Variants in GALNT18 observed in about 807,000 individuals in gnomAD.
GALNT18 encodes the protein GalNAc-transferase 18.
GALNT18 carries 44 observed loss-of-function variants against 69.5 expected under a neutral mutation model. The observed-to-expected ratio is 0.63, with a 90% CI of 0.50 to 0.81. GALNT18 has a LOEUF of 0.81. Among genes scored for constraint, GALNT18 ranks in the 40% least tolerant of loss-of-function variants. The probability of loss-of-function intolerance (pLI) is 0.00; values close to 1 mark genes in which losing one functional copy is unlikely to be tolerated. For missense variants in GALNT18, 715 were observed against 810.0 expected (o/e 0.88, Z 1.42); for synonymous variants, 364 against 318.2 (o/e 1.14, Z -1.53).
intron 1 of GALNT18, among the ~76,000 whole-genome samples, chr11:11,534,181 A>G (rs556430194): frequency 6.6e-6 from 1 of 152,300 alleles, no homozygotes; most frequent in South Asian, 2.1e-4. Context: ...GCCATGGGTA[A>G]TAGGTTCACG....
intron 2 of GALNT18, among the ~76,000 whole-genome samples, chr11:11,441,917 T>C (rs1206108519): frequency 1.3e-5 from 2 of 152,266 alleles, no homozygotes; most frequent in African/African-American, 4.8e-5. Flanking sequence ...AGAGCCTTTC[T>C]TCTTCCAGGA....
Position 11,436,170 on chromosome 11 carries a change from C to T in GALNT18, c.429-3383G>A, listed in dbSNP as rs1855398048. On this transcript the variant is annotated intron_variant, in intron 2 of 10. Coordinates refer to ENST00000227756, the MANE Select transcript of GALNT18 (RefSeq NM_198516.3). The surrounding 1 kb of genome is among the most constrained non-coding windows in gnomAD (Gnocchi z 4.5). ...TGAAGGGGATGAAGTCACCCAGGTG[C>T]TGTTCCCAGTTCTGCCCCACCTTGC... 6.6e-6 allele frequency among the ~76,000 whole-genome samples: 1 copy of T among 152,242 alleles called. No homozygotes were observed. The highest frequency in any genetic ancestry group is 1.5e-5 in the Non-Finnish European group (1 of 68,040).
chr11:11,516,683 C>T (rs1425177331), intron 1 of GALNT18, among the ~76,000 whole-genome samples: 1 of 152,114 alleles, frequency 6.6e-6, no homozygotes, highest in Non-Finnish European at 1.5e-5. Context: ...CAGAGTCTGC[C>T]TTTCCTCATC....
At chr11:11,489,045 T>A (rs1856703663) in intron 1 of GALNT18, among the ~76,000 whole-genome samples, 1 of 152,200 alleles carries the variant, frequency 6.6e-6, no homozygotes, top group African/African-American at 2.4e-5. Flanking sequence ...TGCTGTGGAG[T>A]ATGATCCAGG....
chr11:11,583,601 C>T lies in GALNT18; in HGVS notation c.235+37758G>A, dbSNP rs1224081807. 2.6e-5 allele frequency among the ~76,000 whole-genome samples: 4 copies of T among 152,154 alleles called. No individual in the cohort carries two copies. Among genetic ancestry groups the T allele is most frequent in the Non-Finnish European group, 5.9e-5 (4 of 68,036 alleles). ...AAAGGATACATTTACATCTCATTCCCCAAATGTAGGACATCCAAAGACCAG... is the reference window on the plus strand; with the variant it reads ...AAAGGATACATTTACATCTCATTCCTCAAATGTAGGACATCCAAAGACCAG... On this transcript the variant is annotated intron_variant, in intron 1 of 10. Coordinates refer to ENST00000227756, the MANE Select transcript of GALNT18 (RefSeq NM_198516.3). The surrounding 1 kb of genome is among the most constrained non-coding windows in gnomAD (Gnocchi z 4.7).
Position 11,359,416 on chromosome 11 carries a change from T to C in GALNT18, c.1092+13099A>G, listed in dbSNP as rs1397965306. 6.5e-5 allele frequency among the ~76,000 whole-genome samples: 6 copies of C among 92,614 alleles called. No homozygotes were observed. In the East Asian group the frequency reaches 8.1e-4, roughly 12 times the overall value. 60.8% of individuals were successfully genotyped at this position (92,614 alleles called of 152,430 possible). On this transcript the variant is annotated intron_variant, in intron 6 of 10. Transcript: ENST00000227756. ...AAGTCTCAAATAGCAGTGATGCCTGTTCTAGGCAATTGCTAGGGACCCTTC... is the reference window on the plus strand; with the variant it reads ...AAGTCTCAAATAGCAGTGATGCCTGCTCTAGGCAATTGCTAGGGACCCTTC...
chr11:11,366,871 T>C (rs1265974477), intron 6 of GALNT18, among the ~76,000 whole-genome samples: 1 of 152,112 alleles, frequency 6.6e-6, no homozygotes, highest in African/African-American at 2.4e-5. Context: ...TTCTCCATGA[T>C]TGAGGAAAAA....
chr11:11,455,141 C>T (rs59860148), intron 1 of GALNT18, among the ~76,000 whole-genome samples: 3,762 of 152,222 alleles, frequency 0.025, 148 homozygotes, highest in African/African-American at 0.086. Context: ...TCAGCTTTGC[C>T]CACAAAGGGT....
intron 1 of GALNT18, among the ~76,000 whole-genome samples, chr11:11,451,509 C>A (rs1855798587): frequency 6.6e-6 from 1 of 152,142 alleles, no homozygotes; most frequent in South Asian, 2.1e-4. Context: ...GGATGACAAA[C>A]TCAAAGCCAG....
At chr11:11,577,366 G>A (rs1406418868) in intron 1 of GALNT18, among the ~76,000 whole-genome samples, 1 of 152,136 alleles carries the variant, frequency 6.6e-6, no homozygotes, top group Non-Finnish European at 1.5e-5. Flanking sequence ...CAGCCCTGCT[G>A]TCCAGCCCTG....
chr11:11,431,249 A>G (rs1234184105), intron 3 of GALNT18, among the ~76,000 whole-genome samples: 1 of 152,140 alleles, frequency 6.6e-6, no homozygotes, highest in Non-Finnish European at 1.5e-5. Flanking sequence ...GCCTCCTTAC[A>G]ATGTAAGACG....
At chr11:11,557,465 C>T (rs926380366) in intron 1 of GALNT18, among the ~76,000 whole-genome samples, 5 of 152,190 alleles carry the variant, frequency 3.3e-5, no homozygotes, top group Non-Finnish European at 5.9e-5. Context: ...TCCTTCAGAG[C>T]TGTCAGGGAA....
At chr11:11,417,485 C>T (rs1854893681) in intron 3 of GALNT18, among the ~76,000 whole-genome samples, 1 of 152,216 alleles carries the variant, frequency 6.6e-6, no homozygotes, top group Non-Finnish European at 1.5e-5. Context: ...TGCAGACAGA[C>T]AGACTAGGGC....
At chr11:11,447,597 G>T (rs1245770891) in intron 2 of GALNT18, among the ~76,000 whole-genome samples, 1 of 152,326 alleles carries the variant, frequency 6.6e-6, no homozygotes, top group Admixed American at 6.5e-5. Context: ...TCACAGTTCT[G>T]CATGGCTGGG....
At chr11:11,357,319 G>C (rs1850551560) in intron 6 of GALNT18, among the ~76,000 whole-genome samples, 1 of 151,810 alleles carries the variant, frequency 6.6e-6, no homozygotes, top group African/African-American at 2.4e-5. Context: ...TCAGGCACTT[G>C]CCCTCTGCCT....
At chr11:11,525,496 G>C (rs1413432249) in intron 1 of GALNT18, among the ~76,000 whole-genome samples, 1 of 152,108 alleles carries the variant, frequency 6.6e-6, no homozygotes, top group African/African-American at 2.4e-5. Context: ...GGTTGAGACA[G>C]GGAAGAATGA....
At chr11:11,331,887 G>A (rs141098771) in intron 8 of GALNT18, among the ~76,000 whole-genome samples, 16 of 152,156 alleles carry the variant, frequency 1.1e-4, no homozygotes, top group East Asian at 5.8e-4. Context: ...AATACCTTAC[G>A]GCATTTGACC....
chr11:11,572,210 G>A (rs956479750), intron 1 of GALNT18, among the ~76,000 whole-genome samples: 1 of 152,222 alleles, frequency 6.6e-6, no homozygotes, highest in Admixed American at 6.5e-5. Flanking sequence ...ACTCCTTTCT[G>A]TGGGATCCTT....
intron 1 of GALNT18, among the ~76,000 whole-genome samples, chr11:11,615,873 C>T (rs1344026184): frequency 6.6e-6 from 1 of 152,160 alleles, no homozygotes; most frequent in Non-Finnish European, 1.5e-5. Context: ...AAAACCACTG[C>T]CCTAAGGCAT....
Sources: allele counts gnomAD v4.1 joint callset (sites outside exome capture counted in the v4.1 genomes callset), GRCh38; gene constraint gnomAD v4.1.1; non-coding constraint Gnocchi (gnomAD v3.1); transcripts MANE v1.5; gene names NCBI Gene and HGNC (gene_info 2026-07-23, HGNC 2026-07-21).